The following BICRAL variants were observed in gnomAD, a reference collection of about 807,000 sequenced individuals.
The protein encoded by BICRAL is BRD4-interacting chromatin-remodeling complex-associated protein-like.
BICRAL carries 8 observed loss-of-function variants against 91.8 expected under a neutral mutation model. The ratio of observed to expected loss-of-function variants is 0.09; its 90% CI spans 0.05 to 0.16. The LOEUF (loss-of-function observed/expected upper bound fraction) is 0.16, where lower values mean the gene tolerates loss of function less well. BICRAL is among the 10% of genes least tolerant of loss of function. The probability of loss-of-function intolerance (pLI) is 1.00; values close to 1 mark genes in which losing one functional copy is unlikely to be tolerated. For missense variants in BICRAL, 1,038 were observed against 1,310.9 expected (o/e 0.79, Z 3.21); for synonymous variants, 445 against 491.1 (o/e 0.91, Z 1.24).
chr6:42,758,015 G>A (rs1270868974), intron 1 of BICRAL, among the ~76,000 whole-genome samples: 2 of 152,144 alleles, frequency 1.3e-5, no homozygotes, highest in East Asian at 3.8e-4. Flanking sequence ...CAAATCCATA[G>A]TCTTCCAAAC....
chr6:42,840,462 C>T (rs1166492367), intron 6 of BICRAL, among the ~76,000 whole-genome samples: 1 of 151,770 alleles, frequency 6.6e-6, no homozygotes, highest in Non-Finnish European at 1.5e-5. Flanking sequence ...AGGATGGTCT[C>T]GATCTCCTGA....
chr6:42,816,113 C>T lies in BICRAL; in HGVS notation c.-6+5712C>T, dbSNP rs1763987691. Among the ~76,000 whole-genome samples, 3 of 150,696 alleles carry T rather than the reference C, an allele frequency of 2.0e-5. No homozygotes were observed. The South Asian group carries it at 6.3e-4, about 32-fold the overall frequency. ...GGGCATGGTAATTGTAATCCCAGCA[C>T]TTTAGGAGACCAAGGTGGAGGATCA... On this transcript the variant is annotated intron_variant, in intron 2 of 12. Transcript: ENST00000314073.
At chr6:42,756,907 T>TCTCTCCCTCTCCACCCCCCCACCCTCC (rs2113825861) in intron 1 of BICRAL, among the ~76,000 whole-genome samples, 1 of 104,030 alleles carries the variant, frequency 9.6e-6, no homozygotes, top group South Asian at 4.1e-4. Flanking sequence ...TCTCTCTCTC[T>TCTCTCCCTCTCCACCCCCCCACCCTCC]CTCTCTCCCT....
At chr6:42,790,760 C>T (rs1763248231) in intron 1 of BICRAL, among the ~76,000 whole-genome samples, 2 of 151,958 alleles carry the variant, frequency 1.3e-5, no homozygotes, top group South Asian at 2.1e-4. Context: ...GGTGAAACGG[C>T]ATGATTTAAG....
At chr6:42,863,126 G>A (rs1347229757) in intron 12 of BICRAL, among the ~76,000 whole-genome samples, 2 of 147,464 alleles carry the variant, frequency 1.4e-5, no homozygotes, top group African/African-American at 2.5e-5. Context: ...TTGGCTCACT[G>A]CAAGCTCTAC....
At chr6:42,825,603 C>T (rs1344320447) in intron 5 of BICRAL, among the ~76,000 whole-genome samples, 1 of 151,354 alleles carries the variant, frequency 6.6e-6, no homozygotes, top group South Asian at 2.1e-4. Flanking sequence ...CATGGTGGTG[C>T]GTGCCTATAG....
intron 6 of BICRAL, among the ~76,000 whole-genome samples, chr6:42,850,882 CTG>C (rs1054499839): frequency 6.7e-6 from 1 of 149,386 alleles, no homozygotes; most frequent in African/African-American, 2.5e-5. Flanking sequence ...GGAAAAAAAA[CTG>C]AGGGTAATTT....
intron 1 of BICRAL, among the ~76,000 whole-genome samples, chr6:42,799,399 A>G (rs1763502971): frequency 6.6e-6 from 1 of 151,560 alleles, no homozygotes; most frequent in South Asian, 2.1e-4. Flanking sequence ...CCTGGGTTCA[A>G]GGGAGTCTCC....
intron 7 of BICRAL, 145 bp downstream of exon 7, chr6:42,852,342 A>G (rs1765210364): frequency 1.4e-6 from 1 of 710,980 alleles, no homozygotes; most frequent in Non-Finnish European, 2.6e-6. Flanking sequence ...CTTTCCGCAA[A>G]TAATATACTG....
intron 1 of BICRAL, among the ~76,000 whole-genome samples, chr6:42,762,558 A>T (rs1352197260): frequency 6.6e-6 from 1 of 152,316 alleles, no homozygotes; most frequent in East Asian, 1.9e-4. Context: ...AAGTCTAAGT[A>T]TTTAATTGTA....
chr6:42,868,262 A>G lies in BICRAL; in HGVS notation c.*2816A>G, dbSNP rs1179416203. 2 of 152,564 alleles carry G rather than the reference A, an allele frequency of 1.3e-5. No individual in the cohort carries two copies. Among genetic ancestry groups the G allele is most frequent in the Non-Finnish European group, 2.9e-5 (2 of 68,028 alleles). 9.5% of individuals were successfully genotyped at this position (152,564 alleles called of 1,614,324 possible). A position where few individuals can be genotyped will look rare whatever the true frequency, so the allele number is the denominator to read the frequency against. On this transcript the variant is annotated 3_prime_UTR_variant, in exon 13 of 13. Transcript: ENST00000314073. ...GAGGCCTTACAGACTGACTTTACTT[A>G]AAGAGGACGCGTCACTCGCTGTCAG...
chr6:42,813,506 C>T (rs889697510), intron 2 of BICRAL, among the ~76,000 whole-genome samples: 22 of 152,004 alleles, frequency 1.4e-4, no homozygotes, highest in African/African-American at 4.8e-4. Context: ...ATTTCAAAAA[C>T]GAAGGCAAGA....
At chr6:42,842,491 C>G (rs927314101) in intron 6 of BICRAL, among the ~76,000 whole-genome samples, 1 of 152,172 alleles carries the variant, frequency 6.6e-6, no homozygotes, top group East Asian at 1.9e-4. Context: ...CAGAAACCCT[C>G]CACTTCCACC....
At chr6:42,747,791 T>C (rs1393232977) in intron 1 of BICRAL, among the ~76,000 whole-genome samples, 2 of 148,924 alleles carry the variant, frequency 1.3e-5, no homozygotes, top group African/African-American at 2.5e-5. Context: ...GTTTTTGCTT[T>C]TTTGTTTTAT....
chr6:42,857,953 C>T (rs1166663102), intron 10 of BICRAL, among the ~76,000 whole-genome samples: 1 of 150,674 alleles, frequency 6.6e-6, no homozygotes, highest in African/African-American at 2.4e-5. Flanking sequence ...AGATTATAGG[C>T]GCCCACCACC....
At chr6:42,804,241 C>CA (rs1763648487) in intron 1 of BICRAL, among the ~76,000 whole-genome samples, 1 of 152,190 alleles carries the variant, frequency 6.6e-6, no homozygotes, top group South Asian at 2.1e-4. Context: ...AGGCTGGTCT[C>CA]AAACTCCTGA....
chr6:42,764,267 G>C (rs1417398211), intron 1 of BICRAL, among the ~76,000 whole-genome samples: 1 of 150,996 alleles, frequency 6.6e-6, no homozygotes, highest in Non-Finnish European at 1.5e-5. Context: ...AAAAATGTCT[G>C]TCGGGCACAG....
intron 1 of BICRAL, among the ~76,000 whole-genome samples, chr6:42,787,258 C>T (rs1763128002): frequency 6.6e-6 from 1 of 152,090 alleles, no homozygotes; most frequent in Non-Finnish European, 1.5e-5. Flanking sequence ...GTACCATTTG[C>T]TGGTTGGAGA....
chr6:42,862,360 G>A lies in BICRAL; in HGVS notation c.2350-150G>A, dbSNP rs185599562. 9.7e-6 allele frequency: 6 copies of A among 617,234 alleles called. No individual in the cohort carries two copies. In the Admixed American group the frequency reaches 1.4e-4, roughly 15 times the overall value. The allele number at this position is 617,234 out of a possible 1,614,324, so 38.2% of individuals were successfully genotyped here. On this transcript the variant is annotated intron_variant, in intron 11 of 12. Transcript: ENST00000314073. ...GGAGAGGCACTGGGTGATAGTGGGT[G>A]CACACCAGGGAGAGGCAAAGAAAGG... is the stretch of plus-strand genomic sequence containing the variant.
Sources: allele counts gnomAD v4.1 joint callset (sites outside exome capture counted in the v4.1 genomes callset), GRCh38; gene constraint gnomAD v4.1.1; transcripts MANE v1.5; gene names NCBI Gene and HGNC (gene_info 2026-07-23, HGNC 2026-07-21).